The following ST3GAL3 variants were observed in gnomAD, a reference collection of about 807,000 sequenced individuals.
ST3GAL3 encodes the protein ST3 beta-galactoside alpha-2,3-sialyltransferase 3, also known as CMP-N-acetylneuraminate-beta-1,4-galactoside alpha-2,3-sialyltransferase.
In ST3GAL3, 21 loss-of-function variants were observed where a neutral mutation model predicts 50.1. That is an observed-to-expected ratio of 0.42 (90% CI 0.30 to 0.60). The LOEUF is 0.60. ST3GAL3 is among the 20% of genes least tolerant of loss of function. The pLI, the probability that ST3GAL3 is intolerant of heterozygous loss-of-function variation, is 0.19. For missense variants in ST3GAL3, 353 were observed against 489.4 expected, an observed-to-expected ratio of 0.72 and a Z score of 2.63; for synonymous variants, 183 against 190.0, an observed-to-expected ratio of 0.96 and a Z score of 0.30.
chr1:43,876,825 A>G (rs972349773), intron 5 of ST3GAL3, among the ~76,000 whole-genome samples: 3 of 152,178 alleles, frequency 2.0e-5, no homozygotes, highest in Non-Finnish European at 4.4e-5. Context: ...GGCAGGGCCC[A>G]TTGTTGTAGC....
intron 4 of ST3GAL3, among the ~76,000 whole-genome samples, chr1:43,827,116 G>A (rs1370358386): frequency 1.3e-5 from 2 of 152,062 alleles, no homozygotes; most frequent in Non-Finnish European, 2.9e-5. Flanking sequence ...GAAATAAAAG[G>A]CATACAGATT....
intron 2 of ST3GAL3, chr1:43,743,404 C>T (rs1472661): frequency 0.31 from 86,733 of 276,014 alleles, 15,217 homozygotes; most frequent in African/African-American, 0.5. Flanking sequence ...TTTAGTGAAG[C>T]AGCAACTGAT....
intron 2 of ST3GAL3, among the ~76,000 whole-genome samples, chr1:43,769,534 T>G (rs927242377): frequency 1.3e-5 from 2 of 152,028 alleles, no homozygotes; most frequent in Non-Finnish European, 2.9e-5. Context: ...GTTCGTTTCT[T>G]TTTTTCAACA....
intron 3 of ST3GAL3, among the ~76,000 whole-genome samples, chr1:43,803,793 C>T (rs1472577098): frequency 6.6e-6 from 1 of 152,230 alleles, no homozygotes; most frequent in Non-Finnish European, 1.5e-5. Flanking sequence ...GCACTTTGTG[C>T]ATTCACAGCT....
At chr1:43,881,553 C>T (rs1047176606) in intron 5 of ST3GAL3, among the ~76,000 whole-genome samples, 14 of 152,238 alleles carry the variant, frequency 9.2e-5, no homozygotes, top group African/African-American at 3.4e-4. Context: ...ACTTCCCTCC[C>T]TCCTTCCTCT....
intron 4 of ST3GAL3, among the ~76,000 whole-genome samples, chr1:43,828,665 A>C (rs992747900): frequency 3.3e-5 from 5 of 152,248 alleles, no homozygotes; most frequent in Non-Finnish European, 4.4e-5. Context: ...TGTTTGCATT[A>C]TATGTCATTA....
chr1:43,845,296 T>TTTA (rs1292056234), intron 5 of ST3GAL3, among the ~76,000 whole-genome samples: 1 of 151,976 alleles, frequency 6.6e-6, no homozygotes, highest in Non-Finnish European at 1.5e-5. Flanking sequence ...GAAGTTTTTT[T>TTTA]TTATTATTAT....
rs546764041 is a variant in ST3GAL3, at chr1:43,864,108, G to A, written c.302+25797G>A. On this transcript the variant is annotated intron_variant, in intron 5 of 11. Transcript: ENST00000347631. The stretch of plus-strand genomic sequence containing the variant: ...AGCCTGGCCAACATGGCAAAACCCC[G>A]TCTCTACTAAAAATACAGAAATCAG... 5.3e-5 allele frequency among the ~76,000 whole-genome samples: 8 copies of A among 152,168 alleles called. No individual in the cohort carries two copies. In the South Asian group the frequency reaches 6.2e-4, roughly 12 times the overall value.
intron 5 of ST3GAL3, among the ~76,000 whole-genome samples, chr1:43,881,104 G>C (rs755557466): frequency 6.6e-6 from 1 of 151,794 alleles, no homozygotes; most frequent in Non-Finnish European, 1.5e-5. Flanking sequence ...TCCTCCTCCC[G>C]GGTTCAAGTG....
At chr1:43,844,616 T>C (rs2065927506) in intron 5 of ST3GAL3, among the ~76,000 whole-genome samples, 1 of 151,950 alleles carries the variant, frequency 6.6e-6, no homozygotes, top group African/African-American at 2.4e-5. Context: ...TCAAGACCAT[T>C]CTGGCTAACA....
At chr1:43,835,106 C>T (rs576463883) in intron 4 of ST3GAL3, among the ~76,000 whole-genome samples, 1 of 152,116 alleles carries the variant, frequency 6.6e-6, no homozygotes, top group South Asian at 2.1e-4. Context: ...AATGGGTGCT[C>T]TTACTGGGTT....
chr1:43,893,728 C>T (rs1360229399), intron 5 of ST3GAL3, among the ~76,000 whole-genome samples: 1 of 152,186 alleles, frequency 6.6e-6, no homozygotes, highest in Non-Finnish European at 1.5e-5. Flanking sequence ...TCCTCACTTC[C>T]ACAAGAACTT....
chr1:43,874,645 A>G (rs2073719810), intron 5 of ST3GAL3, among the ~76,000 whole-genome samples: 1 of 152,240 alleles, frequency 6.6e-6, no homozygotes, highest in South Asian at 2.1e-4. Context: ...TAGTAAATGA[A>G]AAAGATAAGG....
intron 4 of ST3GAL3, among the ~76,000 whole-genome samples, chr1:43,817,494 T>TCTCCTC (rs1159205192): frequency 1.3e-5 from 2 of 149,608 alleles, no homozygotes; most frequent in African/African-American, 4.9e-5. Flanking sequence ...TTCTTCTCCT[T>TCTCCTC]CTCCTCCTTT....
At chr1:43,722,068 A>G (rs750144895) in intron 1 of ST3GAL3, among the ~76,000 whole-genome samples, 17 of 152,214 alleles carry the variant, frequency 1.1e-4, no homozygotes, top group Non-Finnish European at 2.2e-4. Flanking sequence ...TTAGAAAATT[A>G]TAAGTGCACA....
At position 43,899,543 on chromosome 1, in the gene ST3GAL3, T is replaced by C. The variant is rs1418307286; in HGVS notation, c.560T>C (p.Leu187Pro). 1.2e-6 allele frequency: 2 copies of C among 1,612,760 alleles called. No individual in the cohort carries two copies. Residue 187 changes from leucine to proline, a missense_variant and splice_region_variant, in exon 9 of 12, where the codon CTG (leucine) becomes CCG (proline). Transcript: ENST00000347631. This position sits in a 1 kb window ranked among gnomAD's most constrained non-coding sequence, Gnocchi z 5.4. Reference protein sequence around the residue: ...RIDDYDIVVRLNSAPVKGFEK... With the variant: ...RIDDYDIVVRPNSAPVKGFEK... ...CTGAGTGGGCCTGCTCTCTGTAGAC[T>C]GAATTCAGCACCAGTGAAAGGCTTT...
At position 43,899,015 on chromosome 1, in the gene ST3GAL3, C is replaced by T; in HGVS notation, c.462-153C>T. On this transcript the variant is annotated intron_variant, in intron 7 of 11. Coordinates refer to ENST00000347631, the MANE Select transcript of ST3GAL3 (RefSeq NM_006279.5). This position sits in a 1 kb window ranked among gnomAD's most constrained non-coding sequence, Gnocchi z 5.4. ...CAGCTACCCATTGTATGGTTCAGGCCTTCTCTCAGAAATGCTGCCAGAAGC... is the reference window on the plus strand; with the variant it reads ...CAGCTACCCATTGTATGGTTCAGGCTTTCTCTCAGAAATGCTGCCAGAAGC... 1 of 1,020,934 alleles carries T rather than the reference C, an allele frequency of 9.8e-7. No homozygotes were observed. The highest frequency in any genetic ancestry group is 1.5e-6 in the Non-Finnish European group (1 of 689,650). 63.2% of individuals were successfully genotyped at this position (1,020,934 alleles called of 1,614,324 possible).
chr1:43,818,005 G>A (rs2061630077), intron 4 of ST3GAL3, among the ~76,000 whole-genome samples: 1 of 152,012 alleles, frequency 6.6e-6, no homozygotes, highest in South Asian at 2.1e-4. Flanking sequence ...AAAGTGTTAG[G>A]ATTACAGCTG....
rs1306788243 is a variant in ST3GAL3 at position 43,859,318 on chromosome 1, A to T, written c.302+21007A>T. Among the ~76,000 whole-genome samples the T allele has an allele frequency of 4.6e-5, 7 of 152,118 alleles. No individual in the cohort carries two copies. The East Asian group carries it at 1.3e-3, about 29-fold the overall frequency. On this transcript the variant is annotated intron_variant, in intron 5 of 11. Coordinates refer to ENST00000347631, the MANE Select transcript of ST3GAL3 (RefSeq NM_006279.5). ...AGTTTCCTACACTGGACAACTTCCGAACATAGTTTGAAAACAGAAGATTGG... is the reference window on the plus strand; with the variant it reads ...AGTTTCCTACACTGGACAACTTCCGTACATAGTTTGAAAACAGAAGATTGG...
Sources: allele counts gnomAD v4.1 joint callset (sites outside exome capture counted in the v4.1 genomes callset), GRCh38; gene constraint gnomAD v4.1.1; non-coding constraint Gnocchi (gnomAD v3.1); transcripts MANE v1.5; gene names NCBI Gene and HGNC (gene_info 2026-07-23, HGNC 2026-07-21).